Variants in ZFHX3 observed in about 807,000 individuals in gnomAD.
The protein encoded by ZFHX3 is zinc finger homeobox protein 3.
A neutral mutation model predicts 279.1 loss-of-function variants in ZFHX3; 42 were observed. The ratio of observed to expected loss-of-function variants is 0.15; its 90% CI spans 0.12 to 0.19. The LOEUF (loss-of-function observed/expected upper bound fraction) is 0.19. Ranked by LOEUF, ZFHX3 falls within the 10% of genes least tolerant of loss-of-function variation. The pLI is 1.00. For missense variants in ZFHX3, 4,981 were observed against 4,754.0 expected, an observed-to-expected ratio of 1.05 and a Z score of -1.40; for synonymous variants, 2,293 against 1,957.8, an observed-to-expected ratio of 1.17 and a Z score of -4.52.
chr16:72,971,491 T>A (rs1474079027), intron 1 of ZFHX3, among the ~76,000 whole-genome samples: 1 of 152,228 alleles, frequency 6.6e-6, no homozygotes, highest in Non-Finnish European at 1.5e-5. Context: ...CCAAGCTGCA[T>A]GCTAGTTTAG....
intron 1 of ZFHX3, among the ~76,000 whole-genome samples, chr16:73,019,351 T>TGTGTGTGTGTGTGTGTGTGC (rs1964217113): frequency 6.6e-6 from 1 of 151,842 alleles, no homozygotes; most frequent in Non-Finnish European, 1.5e-5. Context: ...TGCGTGTGTG[T>TGTGTGTGTGTGTGTGTGTGC]GTGTGTGTGT....
At chr16:72,834,198 T>C (rs2037130132) in intron 4 of ZFHX3, among the ~76,000 whole-genome samples, 1 of 152,160 alleles carries the variant, frequency 6.6e-6, no homozygotes, top group South Asian at 2.1e-4. Flanking sequence ...CAGTGAGCCA[T>C]GACTGCATCA....
At chr16:73,572,614 T>C (rs1029074055) in intron 2 of ZFHX3, among the ~76,000 whole-genome samples, 2 of 151,998 alleles carry the variant, frequency 1.3e-5, no homozygotes, top group African/African-American at 4.8e-5. Flanking sequence ...TGTCCTGGGG[T>C]CCCCTCTGAA....
chr16:73,357,052 T>A (rs1364003009), intron 3 of ZFHX3, among the ~76,000 whole-genome samples: 4 of 151,968 alleles, frequency 2.6e-5, no homozygotes, highest in Admixed American at 2.6e-4. Flanking sequence ...ATGTGCTAGA[T>A]AATACACATT....
intron 3 of ZFHX3, among the ~76,000 whole-genome samples, chr16:73,394,328 GCT>G (rs1422057950): frequency 6.7e-6 from 1 of 148,278 alleles, no homozygotes; most frequent in Non-Finnish European, 1.5e-5. Context: ...ACAGAGTCTT[GCT>G]CTGTTGTCCA....
chr16:73,416,726 T>C (rs2017590514), intron 3 of ZFHX3, among the ~76,000 whole-genome samples: 1 of 150,452 alleles, frequency 6.6e-6, no homozygotes, highest in Non-Finnish European at 1.5e-5. Context: ...TACAAAAAAT[T>C]AGCCGGGTGC....
At chr16:73,455,492 A>G (rs2018356086) in intron 3 of ZFHX3, among the ~76,000 whole-genome samples, 1 of 152,190 alleles carries the variant, frequency 6.6e-6, no homozygotes, top group Non-Finnish European at 1.5e-5. Flanking sequence ...CCATGAAAAG[A>G]AAGGTGATGC....
intron 2 of ZFHX3, among the ~76,000 whole-genome samples, chr16:73,471,575 T>C (rs772838750): frequency 6.6e-6 from 1 of 152,074 alleles, no homozygotes; most frequent in South Asian, 2.1e-4. Flanking sequence ...CACCTGGCCA[T>C]GAATCTCTTT....
At chr16:73,529,308 C>T (rs1382147623) in intron 2 of ZFHX3, among the ~76,000 whole-genome samples, 2 of 152,138 alleles carry the variant, frequency 1.3e-5, no homozygotes, top group African/African-American at 2.4e-5. Context: ...CTTAAAATGC[C>T]TCTATAAGAA....
chr16:72,991,903 C>G (rs991988622), intron 1 of ZFHX3, among the ~76,000 whole-genome samples: 6 of 152,178 alleles, frequency 3.9e-5, no homozygotes, highest in Admixed American at 1.3e-4. Context: ...CCAGCACGAG[C>G]CTGTGATTCC....
chr16:72,999,014 A>G (rs565871403), intron 1 of ZFHX3, among the ~76,000 whole-genome samples: 1 of 152,302 alleles, frequency 6.6e-6, no homozygotes, highest in East Asian at 1.9e-4. Flanking sequence ...CCACATAAAC[A>G]TCTCCTCATT....
Position 73,079,650 on chromosome 16 carries a change from C to T in ZFHX3, c.-533+13585G>A, listed in dbSNP as rs149440841. On this transcript the variant is annotated intron_variant, in intron 8 of 17. Coordinates refer to the ZFHX3 transcript ENST00000641206. The stretch of plus-strand genomic sequence containing the variant: ...TGCCACACCTGGCCTCCTATCTTTA[C>T]TCCCTTTCTACTTGGAAACCTACAC... Among the ~76,000 whole-genome samples the T allele has an allele frequency of 3.9e-3, 586 of 152,030 alleles. 4 individuals are homozygous for T. The highest frequency in any genetic ancestry group is 0.013 in the African/African-American group (551 of 41,498).
intron 1 of ZFHX3, among the ~76,000 whole-genome samples, chr16:73,016,275 G>C (rs925144171): frequency 2.0e-5 from 3 of 152,100 alleles, no homozygotes; most frequent in African/African-American, 7.2e-5. Flanking sequence ...AACATGAATT[G>C]TGTTTTGGTT....
intron 1 of ZFHX3, among the ~76,000 whole-genome samples, chr16:73,717,037 C>T (rs2053422822): frequency 6.6e-6 from 1 of 151,946 alleles, no homozygotes; most frequent in Non-Finnish European, 1.5e-5. Context: ...CGCCATAGAA[C>T]AGCAGAAAAA....
chr16:73,816,058 G>A (rs1013060455), intron 1 of ZFHX3: 1 of 152,144 alleles, frequency 6.6e-6, no homozygotes, highest in Non-Finnish European at 1.5e-5. Flanking sequence ...GACTGTATTG[G>A]ACAGGAGAGA....
chr16:73,503,998 A>AG (rs553455502), intron 2 of ZFHX3, among the ~76,000 whole-genome samples: 2 of 152,334 alleles, frequency 1.3e-5, no homozygotes, highest in African/African-American at 4.8e-5. Context: ...AAGGTGGAAA[A>AG]GGGGCATAAA....
At chr16:73,784,162 G>A (rs1429131800) in intron 1 of ZFHX3, among the ~76,000 whole-genome samples, 2 of 152,184 alleles carry the variant, frequency 1.3e-5, no homozygotes, top group African/African-American at 4.8e-5. Context: ...CATTTGGGCT[G>A]TGGAATCATA....
chr16:73,156,838 C>G (rs543448934), intron 5 of ZFHX3, among the ~76,000 whole-genome samples: 2 of 152,024 alleles, frequency 1.3e-5, no homozygotes, highest in African/African-American at 2.4e-5. Context: ...CTTAGCCTCC[C>G]GAGTAGCTGG....
intron 8 of ZFHX3, among the ~76,000 whole-genome samples, chr16:73,084,841 C>G (rs1425868560): frequency 4.6e-5 from 7 of 151,924 alleles, no homozygotes; most frequent in African/African-American, 1.7e-4. Flanking sequence ...TAAATTTAAC[C>G]AAATACATGA....
Sources: gnomAD v4.1 joint callset for allele counts (sites outside exome capture counted in the v4.1 genomes callset) on GRCh38, gnomAD v4.1.1 for gene constraint, MANE v1.5 for transcripts, NCBI Gene and HGNC (gene_info 2026-07-23, HGNC 2026-07-21) for gene names.